Variants in ADARB2 observed in about 807,000 individuals in gnomAD.
The protein encoded by ADARB2 is adenosine deaminase RNA specific B2 (inactive).
Under a neutral mutation model 62.2 loss-of-function variants are expected in ADARB2, and 25 were observed. That is an observed-to-expected ratio of 0.40 (90% CI 0.29 to 0.56). ADARB2 has a LOEUF of 0.56. ADARB2 is among the 20% of genes least tolerant of loss of function. The pLI is 0.43. For missense variants in ADARB2, 1,071 were observed against 1,077.4 expected (o/e 0.99, Z 0.08); for synonymous variants, 572 against 500.8 (o/e 1.14, Z -1.90).
chr10:1,480,571 A>ATG (rs1831455561), intron 1 of ADARB2, among the ~76,000 whole-genome samples: 1 of 152,082 alleles, frequency 6.6e-6, no homozygotes, highest in South Asian at 2.1e-4. Flanking sequence ...GGTGGCTGGC[A>ATG]CCTGTAGTCC....
intron 1 of ADARB2, among the ~76,000 whole-genome samples, chr10:1,471,444 G>A (rs1316413156): frequency 2.6e-5 from 4 of 152,008 alleles, no homozygotes; most frequent in African/African-American, 7.3e-5. Context: ...AGGCTGGAGT[G>A]CAATGGCGAG....
intron 1 of ADARB2, among the ~76,000 whole-genome samples, chr10:1,729,599 T>G (rs1316986770): frequency 1.3e-5 from 2 of 152,232 alleles, no homozygotes; most frequent in Non-Finnish European, 1.5e-5. Context: ...AGAGAGGACA[T>G]TTTTATACTT....
chr10:1,412,031 G>A (rs886397301), intron 1 of ADARB2, among the ~76,000 whole-genome samples: 8 of 152,298 alleles, frequency 5.3e-5, no homozygotes, highest in South Asian at 4.2e-4. Context: ...TTCTTGCCCC[G>A]GTCAAGTTAT....
chr10:1,299,218 G>C (rs1392663196), intron 3 of ADARB2, among the ~76,000 whole-genome samples: 2 of 152,018 alleles, frequency 1.3e-5, no homozygotes, highest in African/African-American at 4.8e-5. Flanking sequence ...AGGGGCCCCA[G>C]ATGGGGAAAC....
At chr10:1,582,814 A>G (rs575939067) in intron 1 of ADARB2, among the ~76,000 whole-genome samples, 1 of 152,276 alleles carries the variant, frequency 6.6e-6, no homozygotes, top group East Asian at 1.9e-4. Flanking sequence ...GCCAGGCCCC[A>G]TTCAGCACCC....
intron 1 of ADARB2, among the ~76,000 whole-genome samples, chr10:1,638,438 G>C (rs1833939839): frequency 6.6e-6 from 1 of 151,892 alleles, no homozygotes; most frequent in South Asian, 2.1e-4. Context: ...CTCAAGGCAA[G>C]CTTTCTTAAA....
rs150290393 is a variant in ADARB2, at chr10:1,313,734, C to T, written c.1078-42665G>A. Among the ~76,000 whole-genome samples the T allele has an allele frequency of 3.3e-3, 497 of 152,302 alleles. 2 individuals carry two copies. The highest frequency in any genetic ancestry group is 0.011 in the African/African-American group (476 of 41,566). Reference sequence around the variant, plus strand: ...CAGAGATGACACCTGCACACCCATCCGAGTTAATCGAGGGGCCTTGCTTGC... The same window carrying T: ...CAGAGATGACACCTGCACACCCATCTGAGTTAATCGAGGGGCCTTGCTTGC... On this transcript the variant is annotated intron_variant, in intron 3 of 9. Transcript: ENST00000381312.
intron 1 of ADARB2, among the ~76,000 whole-genome samples, chr10:1,663,249 A>G (rs981108890): frequency 4.6e-5 from 7 of 152,348 alleles, no homozygotes; most frequent in Admixed American, 1.3e-4. Context: ...AACATCTTGC[A>G]TCCATGTGCG....
At chr10:1,458,783 G>A (rs1324635401) in intron 1 of ADARB2, among the ~76,000 whole-genome samples, 1 of 152,206 alleles carries the variant, frequency 6.6e-6, no homozygotes, top group Non-Finnish European at 1.5e-5. Context: ...AGCGAACGTA[G>A]TTTTTTCCTC....
intron 1 of ADARB2, among the ~76,000 whole-genome samples, chr10:1,616,087 G>C (rs1406627929): frequency 1.3e-5 from 2 of 152,202 alleles, no homozygotes; most frequent in Non-Finnish European, 1.5e-5. Context: ...TTTAGGCTTT[G>C]TGCCCTCCTT....
At chr10:1,407,451 C>T (rs756631019) in intron 1 of ADARB2, among the ~76,000 whole-genome samples, 9 of 152,194 alleles carry the variant, frequency 5.9e-5, no homozygotes, top group Admixed American at 1.3e-4. Context: ...ACCCACTGGC[C>T]TTTTTCTCTG....
At chr10:1,223,198 C>A (rs1230035526) in intron 6 of ADARB2, among the ~76,000 whole-genome samples, 1 of 152,092 alleles carries the variant, frequency 6.6e-6, no homozygotes, top group Non-Finnish European at 1.5e-5. Flanking sequence ...GGAGTTCACT[C>A]ATGATTTGGC....
chr10:1,675,987 C>G, intron 1 of ADARB2: 3 of 983,704 alleles, frequency 3.0e-6, no homozygotes, highest in Non-Finnish European at 2.4e-6. Flanking sequence ...AGGGCTGCAT[C>G]CCACCCACCC....
intron 1 of ADARB2, among the ~76,000 whole-genome samples, chr10:1,581,988 G>A (rs2676723): frequency 0.66 from 100,763 of 151,970 alleles, 33,673 homozygotes; most frequent in East Asian, 0.8. Context: ...TACTCACTGC[G>A]GTCCACTGAG....
intron 6 of ADARB2, among the ~76,000 whole-genome samples, chr10:1,220,179 GATGGTGGTGATGATGATGATGGTA>G (rs1422116685): frequency 2.0e-5 from 3 of 150,080 alleles, no homozygotes; most frequent in Non-Finnish European, 4.4e-5. Context: ...TGGTGGTGAT[GATGGTGGTGATGATGATGATGGTA>G]ATGGTGGTGA....
intron 3 of ADARB2, among the ~76,000 whole-genome samples, chr10:1,326,840 GGCCCAGCGCCTCCCCACT>G (rs1564257857): frequency 0.01 from 225 of 22,332 alleles, 31 homozygotes; most frequent in South Asian, 0.021. Context: ...GCCTCCCCAC[GGCCCAGCGCCTCCCCACT>G]GCCCAGCGCC....
intron 3 of ADARB2, among the ~76,000 whole-genome samples, chr10:1,329,460 T>A (rs1831907431): frequency 1.3e-5 from 2 of 152,226 alleles, no homozygotes. Flanking sequence ...GCGAAGGCTG[T>A]GGCCTGACCT....
chr10:1,471,169 A>G (rs556820466), intron 1 of ADARB2, among the ~76,000 whole-genome samples: 1 of 152,298 alleles, frequency 6.6e-6, no homozygotes, highest in African/African-American at 2.4e-5. Context: ...ATGGAAACTC[A>G]CGATTCCACA....
At chr10:1,440,238 A>T (rs1400840010) in intron 1 of ADARB2, among the ~76,000 whole-genome samples, 1 of 152,182 alleles carries the variant, frequency 6.6e-6, no homozygotes, top group Non-Finnish European at 1.5e-5. Context: ...GCTGCACATT[A>T]GTGCTGACAA....
Sources: gnomAD v4.1 joint callset for allele counts (sites outside exome capture counted in the v4.1 genomes callset) on GRCh38, gnomAD v4.1.1 for gene constraint, MANE v1.5 for transcripts, NCBI Gene and HGNC (gene_info 2026-07-23, HGNC 2026-07-21) for gene names.